The following ERRFI1 variants were observed in gnomAD, a reference collection of about 807,000 sequenced individuals.
ERRFI1 encodes the protein mitogen-inducible gene 6 protein.
Under a neutral mutation model 14.6 loss-of-function variants are expected in ERRFI1, and 12 were observed. That is an observed-to-expected ratio of 0.82 (90% confidence interval 0.53 to 1.33). The LOEUF is 1.33. Ranked by LOEUF, ERRFI1 falls within the 40% of genes most tolerant of loss-of-function variation. ERRFI1 has a pLI of 0.00. For synonymous variants in ERRFI1, 202 were observed against 209.9 expected (o/e 0.96, Z 0.32); for missense variants, 482 against 572.1 (o/e 0.84, Z 1.61).
chr1:8,018,236 G>C (rs1245140306), intron 1 of ERRFI1, among the ~76,000 whole-genome samples: 5 of 151,896 alleles, frequency 3.3e-5, no homozygotes, highest in South Asian at 2.1e-4. Flanking sequence ...GACTCAAAAA[G>C]GGCAATGTGC....
chr1:8,024,374 A>G (rs1277862046), intron 1 of ERRFI1, among the ~76,000 whole-genome samples: 1 of 152,258 alleles, frequency 6.6e-6, no homozygotes, highest in South Asian at 2.1e-4. Flanking sequence ...CAGGCATTTC[A>G]TAACAGCCAT....
rs1641102647 is a variant in ERRFI1 at position 8,012,637 on chromosome 1, A to G, written c.*573T>C. 1 of 228,700 alleles carries G rather than the reference A, an allele frequency of 4.4e-6. No homozygotes were observed. Among genetic ancestry groups the G allele is most frequent in the African/African-American group, 2.2e-5 (1 of 45,090 alleles). The allele number at this position is 228,700 out of a possible 1,614,324, so 14.2% of individuals were successfully genotyped here. A position where few individuals can be genotyped will look rare whatever the true frequency, so the allele number is the denominator to read the frequency against. On this transcript the variant is annotated 3_prime_UTR_variant, in exon 4 of 4. Coordinates refer to ENST00000377482, the MANE Select transcript of ERRFI1 (RefSeq NM_018948.4). The stretch of plus-strand genomic sequence containing the variant: ...ATTTTTAACCTAAGCAGGTACACCC[A>G]TGGTAAAGAATGGATACCCTGCCCT...
chr1:8,020,919 C>T (rs936865067), intron 1 of ERRFI1, among the ~76,000 whole-genome samples: 1 of 152,144 alleles, frequency 6.6e-6, no homozygotes, highest in Non-Finnish European at 1.5e-5. Flanking sequence ...AGAAAACTTC[C>T]TTAGTTGTAC....
In ERRFI1 at chr1:8,014,003, C is replaced by T. The variant is rs190510946; in HGVS notation, c.596G>A (p.Arg199Gln). 10 of 1,614,156 alleles carry T rather than the reference C, an allele frequency of 6.2e-6. No individual in the cohort carries two copies. The highest frequency in any genetic ancestry group is 5.3e-5 in the African/African-American group (4 of 75,028). The change falls in exon 4 of 4, where the codon CGA becomes CAA. Residue 199 changes from arginine to glutamine, a missense_variant. Physicochemically the swap from Arg to Gln is conservative, Grantham distance 43. Transcript: ENST00000377482. ...GATTTGTCCACACCCACGGAAGCTT[C>T]GCCTGCCAGGAACATCATATTTGAA... Reference protein sequence around the residue: ...SDFKYDVPGRRSFRGCGQINY... With the variant: ...SDFKYDVPGRQSFRGCGQINY...
chr1:8,013,701 T>G lies in ERRFI1; in HGVS notation c.898A>C (p.Arg300=), dbSNP rs1250425793. 1 of 1,614,088 alleles carries G rather than the reference T, an allele frequency of 6.2e-7. No homozygotes were observed. Residue 300 remains arginine, a synonymous_variant, in exon 4 of 4, where the codon AGA becomes CGA. Coordinates refer to ENST00000377482, the MANE Select transcript of ERRFI1 (RefSeq NM_018948.4). The surrounding 1 kb of genome is among the most constrained non-coding windows in gnomAD (Gnocchi z 4.3). ...PPRPVKPDYR[R]WSAEVTSSTY... ...CTCGAAGTAACTTCTGCTGACCATC[T>G]TCTATAATCTGGCTTTACTGGTCTA...
chr1:8,013,481 G>T lies in ERRFI1; in HGVS notation c.1118C>A (p.Ala373Asp). The change falls in exon 4 of 4, where the codon GCC becomes GAC. Residue 373 changes from alanine to aspartate, a missense_variant. Coordinates refer to ENST00000377482, the MANE Select transcript of ERRFI1 (RefSeq NM_018948.4). The surrounding 1 kb of genome is among the most constrained non-coding windows in gnomAD (Gnocchi z 4.3). ...ALQRQNSEGS[A>D]SKVPCILPII... ...GGGCAGAATGCAAGGAACCTTACTGGCAGATCCTTCGCTGTTCTGTCTTTG... is the reference window on the plus strand; with the variant it reads ...GGGCAGAATGCAAGGAACCTTACTGTCAGATCCTTCGCTGTTCTGTCTTTG... The T allele has an allele frequency of 6.2e-7, 1 of 1,614,132 alleles. No homozygotes were observed. The highest frequency in any genetic ancestry group is 1.1e-5 in the South Asian group (1 of 91,072).
chr1:8,022,530 A>G (rs1641287496), intron 1 of ERRFI1, among the ~76,000 whole-genome samples: 1 of 152,220 alleles, frequency 6.6e-6, no homozygotes, highest in Admixed American at 6.5e-5. Context: ...GTGAGGTTAA[A>G]TATCTTGCTA....
At chr1:8,021,933 G>A (rs558750580) in intron 1 of ERRFI1, among the ~76,000 whole-genome samples, 10 of 152,130 alleles carry the variant, frequency 6.6e-5, no homozygotes, top group Admixed American at 2.0e-4. Context: ...TTAAACTGGC[G>A]AAGTAGGATC....
intron 1 of ERRFI1, among the ~76,000 whole-genome samples, chr1:8,021,750 CA>C (rs1641276715): frequency 6.6e-6 from 1 of 152,146 alleles, no homozygotes; most frequent in African/African-American, 2.4e-5. Flanking sequence ...TCTACAATGC[CA>C]TAAGGTGGGC....
chr1:8,025,390 G>A (rs1437383813), intron 1 of ERRFI1, among the ~76,000 whole-genome samples: 1 of 152,192 alleles, frequency 6.6e-6, no homozygotes, highest in African/African-American at 2.4e-5. Context: ...TTTGCAGTCC[G>A]ATTCCATTCA....
At chr1:8,025,295 G>A (rs965691418) in intron 1 of ERRFI1, among the ~76,000 whole-genome samples, 1 of 152,182 alleles carries the variant, frequency 6.6e-6, no homozygotes, top group African/African-American at 2.4e-5. Context: ...CGGTTAAAGA[G>A]TCATCTAATT....
In ERRFI1 at chr1:8,015,320, G is replaced by C; in HGVS notation, c.190C>G (p.Leu64Val). ...YSLNSSAQERLIPLGHASKSA... is the reference protein window; with the variant it reads ...YSLNSSAQERVIPLGHASKSA... The stretch of plus-strand genomic sequence containing the variant: ...TCAGAATACATACCAAGTGGTATTA[G>C]GCGCTCCTGAGCAGAAGAGTTCAGA... Residue 64 changes from leucine (L) to valine (V), a missense_variant, in exon 3 of 4, where the codon CTA becomes GTA. Transcript: ENST00000377482. 1.2e-6 allele frequency: 2 copies of C among 1,614,062 alleles called. No individual in the cohort carries two copies. Among genetic ancestry groups the C allele is most frequent in the Non-Finnish European group, 8.5e-7 (1 of 1,179,902 alleles).
At chr1:8,019,850 G>C (rs1253777696) in intron 1 of ERRFI1, among the ~76,000 whole-genome samples, 2 of 152,040 alleles carry the variant, frequency 1.3e-5, no homozygotes, top group East Asian at 3.9e-4. Context: ...TTTCTAAACT[G>C]GTTTCTGTTA....
At chr1:8,014,816 CATA>C (rs1641149094) in intron 3 of ERRFI1, 1 of 207,534 alleles carries the variant, frequency 4.8e-6, no homozygotes, top group South Asian at 1.1e-4. Flanking sequence ...GCTGGCACAT[CATA>C]ATATTGTGAG....
At position 8,011,746 on chromosome 1, in the gene ERRFI1, CTT is replaced by C. The variant is rs1197256964; in HGVS notation, c.*1462_*1463del. The C allele has an allele frequency of 1.1e-5, 2 of 188,694 alleles. No individual in the cohort carries two copies. The highest frequency in any genetic ancestry group is 4.7e-5 in the African/African-American group (2 of 42,894). The allele number at this position is 188,694 out of a possible 1,614,324, so 11.7% of individuals were successfully genotyped here. On this transcript the variant is annotated 3_prime_UTR_variant, in exon 4 of 4. Coordinates refer to ENST00000377482, the MANE Select transcript of ERRFI1 (RefSeq NM_018948.4). Reference sequence around the variant, plus strand: ...ATGGTATCATAAATAAGTATTATAACTTTATTAAAATGAAAAGACAATATTCA... The same window carrying C: ...ATGGTATCATAAATAAGTATTATAACTATTAAAATGAAAAGACAATATTCA...
At chr1:8,018,566 T>C (rs1411341082) in intron 1 of ERRFI1, among the ~76,000 whole-genome samples, 1 of 152,196 alleles carries the variant, frequency 6.6e-6, no homozygotes, top group Non-Finnish European at 1.5e-5. Flanking sequence ...GATGGGATTA[T>C]GTTATGGAAT....
At chr1:8,018,524 T>C (rs2124071468) in intron 1 of ERRFI1, among the ~76,000 whole-genome samples, 1 of 152,258 alleles carries the variant, frequency 6.6e-6, no homozygotes, top group Middle Eastern at 3.4e-3. Flanking sequence ...AAAATGTACC[T>C]ATGTGGGGAA....
chr1:8,015,057 C>G (rs1641153276), intron 3 of ERRFI1: 3 of 455,624 alleles, frequency 6.6e-6, no homozygotes, highest in East Asian at 6.8e-5. Context: ...AGAACTAATT[C>G]TTGATTTTAG....
chr1:8,014,221 G>A lies in ERRFI1; in HGVS notation c.378C>T (p.Ser126=). The A allele has an allele frequency of 1.2e-6, 2 of 1,614,080 alleles. No individual in the cohort carries two copies. The highest frequency in any genetic ancestry group is 8.5e-7 in the Non-Finnish European group (1 of 1,180,000). ...KKLTVNGVCA[S]TPPLTPIKNS... is the part of the protein sequence containing the mutation. Reference sequence around the variant, plus strand: ...TTTTTATGGGTGTCAGTGGAGGGGTGGAAGCACAAACCCCATTCACTGTGA... The same window carrying A: ...TTTTTATGGGTGTCAGTGGAGGGGTAGAAGCACAAACCCCATTCACTGTGA... Residue 126 remains serine, a synonymous_variant, in exon 4 of 4, where the codon TCC becomes TCT. Transcript: ENST00000377482.
Sources: gnomAD v4.1 joint callset for allele counts (sites outside exome capture counted in the v4.1 genomes callset) on GRCh38, gnomAD v4.1.1 for gene constraint, Gnocchi (gnomAD v3.1) non-coding constraint, MANE v1.5 for transcripts, NCBI Gene and HGNC (gene_info 2026-07-23, HGNC 2026-07-21) for gene names.